Variants in SLC1A6 observed in about 807,000 individuals in gnomAD.
SLC1A6 encodes excitatory amino acid transporter 4.
A neutral mutation model predicts 42.1 loss-of-function variants in SLC1A6; 15 were observed. That is an observed-to-expected ratio of 0.36 (90% CI 0.24 to 0.55). The LOEUF is 0.55. Ranked by LOEUF, SLC1A6 falls within the 20% of genes least tolerant of loss-of-function variation. SLC1A6 has a pLI of 0.88. For synonymous variants in SLC1A6, 317 were observed against 319.7 expected, an observed-to-expected ratio of 0.99 and a Z score of 0.09; for missense variants, 542 against 772.5, an observed-to-expected ratio of 0.70 and a Z score of 3.54.
intron 7 of SLC1A6, among the ~76,000 whole-genome samples, chr19:14,955,904 C>T (rs936662045): frequency 2.0e-5 from 3 of 151,620 alleles, no homozygotes; most frequent in Non-Finnish European, 4.4e-5. Context: ...CACTGCACTC[C>T]AGCCTGGGTG....
At chr19:14,990,281 T>C (rs1267744318) in intron 1 of SLC1A6, among the ~76,000 whole-genome samples, 2 of 152,126 alleles carry the variant, frequency 1.3e-5, no homozygotes, top group African/African-American at 2.4e-5. Flanking sequence ...GATTTCCTTT[T>C]GATGAACCTG....
At chr19:15,009,906 G>T (rs993814567) in intron 1 of SLC1A6, among the ~76,000 whole-genome samples, 5 of 152,288 alleles carry the variant, frequency 3.3e-5, no homozygotes, top group African/African-American at 1.2e-4. Context: ...TAAGCCAGGC[G>T]TGGTGGCTCA....
intron 1 of SLC1A6, 199 bp from the exon 2 acceptor site, chr19:14,973,116 C>A (rs1457297663): frequency 1.7e-6 from 1 of 572,838 alleles, no homozygotes; most frequent in Non-Finnish European, 3.1e-6. Flanking sequence ...CCCAGGAGTT[C>A]AAGACTGGCC....
chr19:14,963,062 T>A (rs1395973549), intron 5 of SLC1A6, among the ~76,000 whole-genome samples: 2 of 152,236 alleles, frequency 1.3e-5, no homozygotes, highest in East Asian at 3.9e-4. Context: ...TAAGTATCCA[T>A]CAGTGAATGA....
At chr19:14,955,454 G>A (rs2045453613) in intron 7 of SLC1A6, among the ~76,000 whole-genome samples, 1 of 151,364 alleles carries the variant, frequency 6.6e-6, no homozygotes, top group South Asian at 2.1e-4. Context: ...ACTTAGCCGG[G>A]AGGGCTAAAA....
In SLC1A6 at chr19:14,956,518, C is replaced by A. The variant is rs778521708; in HGVS notation, c.1127G>T (p.Gly376Val). ...AGCGGTGATGAGGGCTTGTAGCATG[C>A]CCCCAATGAAGGGGAAGGGGTTCCG... Reference protein sequence around the residue: ...THRNPFPFIGGMLQALITAMG... With the variant: ...THRNPFPFIGVMLQALITAMG... Residue 376 changes from glycine (G) to valine (V), a missense_variant, in exon 7 of 10, where the codon GGC becomes GTC. By Grantham distance (109) the Gly-to-Val change is moderately radical. Around this residue, in one of 6 missense-constraint regions of SLC1A6, gnomAD observed 298 missense variants for 419.4 expected, o/e 0.71. Transcript: ENST00000594383. 2 of 1,606,996 alleles carry A rather than the reference C, an allele frequency of 1.2e-6. No individual in the cohort carries two copies. The highest frequency in any genetic ancestry group is 1.3e-5 in the African/African-American group (1 of 74,786).
intron 1 of SLC1A6, among the ~76,000 whole-genome samples, chr19:15,004,108 A>G (rs1398455581): frequency 6.6e-6 from 1 of 152,146 alleles, no homozygotes; most frequent in Non-Finnish European, 1.5e-5. Flanking sequence ...GTGAGCCAAG[A>G]TCACACCACT....
chr19:14,996,143 T>C (rs1600035636), intron 1 of SLC1A6, among the ~76,000 whole-genome samples: 1 of 152,236 alleles, frequency 6.6e-6, no homozygotes, highest in Non-Finnish European at 1.5e-5. Flanking sequence ...ATTAGAATCA[T>C]GCCTACCTGC....
chr19:14,973,075 T>C, intron 1 of SLC1A6, 158 bp from the exon 2 acceptor site: 1 of 603,240 alleles, frequency 1.7e-6, no homozygotes, highest in Non-Finnish European at 2.9e-6. Context: ...TCCCAGCACT[T>C]TGGGAGGCAG....
intron 1 of SLC1A6, among the ~76,000 whole-genome samples, chr19:15,005,370 G>A (rs978112220): frequency 3.3e-5 from 5 of 151,982 alleles, no homozygotes; most frequent in East Asian, 1.9e-4. Context: ...TTAGCTGGGC[G>A]TGGTGGTGGG....
At chr19:15,001,859 C>T (rs923082493) in intron 1 of SLC1A6, among the ~76,000 whole-genome samples, 18 of 152,160 alleles carry the variant, frequency 1.2e-4, no homozygotes, top group African/African-American at 4.1e-4. Flanking sequence ...CCAGGGTTTA[C>T]CATGTTGCCC....
At chr19:15,006,026 A>G (rs1089) in intron 1 of SLC1A6, among the ~76,000 whole-genome samples, 73,492 of 152,112 alleles carry the variant, frequency 0.48, 18,461 homozygotes, top group East Asian at 0.67. Context: ...GTCATCTCAC[A>G]TGAGGTGTCT....
chr19:14,991,429 C>A (rs1267195736), intron 1 of SLC1A6, among the ~76,000 whole-genome samples: 1 of 152,032 alleles, frequency 6.6e-6, no homozygotes, highest in African/African-American at 2.4e-5. Context: ...GTTCAAGCCC[C>A]CTGGCCAGCA....
intron 3 of SLC1A6, among the ~76,000 whole-genome samples, chr19:14,969,457 G>C (rs2045612809): frequency 6.6e-6 from 1 of 152,222 alleles, no homozygotes; most frequent in African/African-American, 2.4e-5. Flanking sequence ...GGTGGCAGTA[G>C]AGCTGGGGAG....
intron 6 of SLC1A6, chr19:14,961,344 T>C (rs2045509576): frequency 6.6e-6 from 1 of 152,252 alleles, no homozygotes; most frequent in African/African-American, 2.4e-5. Context: ...CAGTTTTTAT[T>C]TGTCAATTAA....
chr19:14,991,349 G>T (rs749510742), intron 1 of SLC1A6, among the ~76,000 whole-genome samples: 27 of 152,154 alleles, frequency 1.8e-4, no homozygotes, highest in Admixed American at 1.6e-3. Flanking sequence ...ATTTGACTAG[G>T]TGCGGTGGCT....
At chr19:14,999,433 T>C (rs530223922) in intron 1 of SLC1A6, among the ~76,000 whole-genome samples, 4 of 152,212 alleles carry the variant, frequency 2.6e-5, no homozygotes, top group Non-Finnish European at 5.9e-5. Flanking sequence ...ACACTTAACA[T>C]GTATTGACTG....
chr19:14,995,750 T>C (rs936744525), intron 1 of SLC1A6, among the ~76,000 whole-genome samples: 1 of 152,198 alleles, frequency 6.6e-6, no homozygotes, highest in African/African-American at 2.4e-5. Context: ...TTGGCATCAA[T>C]AGTTGCTTAA....
chr19:14,977,286 A>G (rs1368021498), intron 1 of SLC1A6: 4 of 152,138 alleles, frequency 2.6e-5, no homozygotes, highest in Admixed American at 6.6e-5. Flanking sequence ...AATTCAGCCT[A>G]CTGCTTGTTT....
Sources: allele counts gnomAD v4.1 joint callset (sites outside exome capture counted in the v4.1 genomes callset), GRCh38; gene constraint gnomAD v4.1.1; regional missense constraint gnomAD v4.1.1; transcripts MANE v1.5; gene names NCBI Gene and HGNC (gene_info 2026-07-23, HGNC 2026-07-21).